Variants in SHROOM2 observed in about 807,000 individuals in gnomAD.
SHROOM2 encodes protein Shroom2.
In SHROOM2, 33 loss-of-function variants were observed where a neutral mutation model predicts 75.9. The observed-to-expected ratio is 0.43, with a 90% CI of 0.33 to 0.58. SHROOM2 has a LOEUF of 0.58. Among genes scored for constraint, SHROOM2 ranks in the 20% least tolerant of loss-of-function variants. The pLI is 0.04. For synonymous variants in SHROOM2, 655 were observed against 663.6 expected, an observed-to-expected ratio of 0.99 and a Z score of 0.20; for missense variants, 1,434 against 1,461.2, an observed-to-expected ratio of 0.98 and a Z score of 0.30.
Position 9,939,299 on chromosome X carries a change from TGCAGGAGCA to T in SHROOM2, c.4254_4262del (p.Gln1418_Glu1420del), listed in dbSNP as rs1333165994. The stretch of plus-strand genomic sequence containing the variant: ...GAGCTGCTGATCAAGATGAAGGACC[TGCAGGAGCA>T]GCAGGAGCACGAAGAGGATTCGGGA... On this transcript the variant is annotated inframe_deletion, in exon 8 of 10. Transcript: ENST00000380913. The T allele has an allele frequency of 8.3e-7, 1 of 1,210,409 alleles. No individual in the cohort carries two copies. Among genetic ancestry groups the T allele is most frequent in the South Asian group, 1.8e-5 (1 of 56,547 alleles).
intron 1 of SHROOM2, among the ~76,000 whole-genome samples, chrX:9,862,162 A>C (rs1415352913): frequency 8.9e-6 from 1 of 111,937 alleles, no homozygotes; most frequent in Non-Finnish European, 1.9e-5. Flanking sequence ...CCCTAATGTA[A>C]AGAACTATTA....
Position 9,898,171 on chromosome X carries a change from A to G in SHROOM2, c.2791-19A>G, listed in dbSNP as rs1486748271. ...AGGCAGCTTGAGGACTTGGTGTCTC[A>G]TTATGTTGCCCTTTGCAGGAAGCTT... On this transcript the variant is annotated intron_variant, in intron 4 of 9. Transcript: ENST00000380913. 10 of 1,152,996 alleles carry G rather than the reference A, an allele frequency of 8.7e-6. No individual in the cohort carries two copies. The highest frequency in any genetic ancestry group is 1.2e-5 in the Non-Finnish European group (10 of 857,770).
At chrX:9,861,482 T>A (rs2084103466) in intron 1 of SHROOM2, among the ~76,000 whole-genome samples, 1 of 112,044 alleles carries the variant, frequency 8.9e-6, no homozygotes, top group African/African-American at 3.2e-5. Context: ...TATAATGTGT[T>A]TTTTAATACC....
chrX:9,937,410 GC>G lies in SHROOM2; in HGVS notation c.3870del (p.Glu1291ArgfsTer14). 1 of 1,208,950 alleles carries G rather than the reference GC, an allele frequency of 8.3e-7. No individual in the cohort carries two copies. The stretch of plus-strand genomic sequence containing the variant: ...AGCCCCAGCCCCTGGGCACCCAGGT[GC>G]CCCCCGAGAAAGACCGCTGCACCTC... ...AEPQPLGTQV[P>X]PEKDRCTSPP... On this transcript the variant is annotated frameshift_variant, in exon 7 of 10. Transcript: ENST00000380913. LOFTEE classifies it high-confidence loss of function.
chrX:9,849,308 A>G lies in SHROOM2; in HGVS notation c.166-24344A>G, dbSNP rs943670509. On this transcript the variant is annotated intron_variant, in intron 1 of 9. Transcript: ENST00000380913. ...TTCTGTGTACTCCCACCTCTGCTTCACCTCCTGTTGATCTCTCCTCCCTCT... is the reference window on the plus strand; with the variant it reads ...TTCTGTGTACTCCCACCTCTGCTTCGCCTCCTGTTGATCTCTCCTCCCTCT... Among the ~76,000 whole-genome samples, 6 of 110,921 alleles carry G rather than the reference A, an allele frequency of 5.4e-5. No individual in the cohort carries two copies. In the Admixed American group the frequency reaches 5.7e-4, roughly 11 times the overall value.
chrX:9,930,037 A>G (rs1283242261), intron 5 of SHROOM2, among the ~76,000 whole-genome samples: 1 of 111,625 alleles, frequency 9.0e-6, no homozygotes, highest in Non-Finnish European at 1.9e-5. Flanking sequence ...ATTAAACGTC[A>G]CTTTGTTCCC....
chrX:9,805,812 T>A (rs1431048465), intron 1 of SHROOM2, among the ~76,000 whole-genome samples: 2 of 105,291 alleles, frequency 1.9e-5, no homozygotes, highest in African/African-American at 7.0e-5. Context: ...CGAGTTGGAG[T>A]GGCATCGCTT....
At chrX:9,910,772 G>T (rs1264378510) in intron 5 of SHROOM2, among the ~76,000 whole-genome samples, 2 of 109,525 alleles carry the variant, frequency 1.8e-5, no homozygotes, top group Admixed American at 2.0e-4. Context: ...AGCTGAGATG[G>T]TGCCACTGCG....
intron 2 of SHROOM2, among the ~76,000 whole-genome samples, chrX:9,890,727 G>A (rs923824124): frequency 1.6e-4 from 17 of 109,093 alleles, no homozygotes; most frequent in African/African-American, 3.4e-4. Context: ...GAGAGTGCAC[G>A]TGCTGTGTGT....
intron 1 of SHROOM2, among the ~76,000 whole-genome samples, chrX:9,797,611 C>A (rs2146727663): frequency 8.9e-6 from 1 of 112,474 alleles, no homozygotes; most frequent in Non-Finnish European, 1.9e-5. Flanking sequence ...TAAAATGAGA[C>A]CTCCACGCCC....
chrX:9,804,410 C>A (rs907899091), intron 1 of SHROOM2, among the ~76,000 whole-genome samples: 2 of 112,053 alleles, frequency 1.8e-5, no homozygotes, highest in African/African-American at 6.5e-5. Context: ...CTAAGACTTT[C>A]AACAATCCTT....
At chrX:9,789,974 C>T (rs979526962) in intron 1 of SHROOM2, among the ~76,000 whole-genome samples, 1 of 12,075 alleles carries the variant, frequency 8.3e-5, no homozygotes, top group Non-Finnish European at 2.5e-4. Context: ...CTTGGAGGTC[C>T]CCCCCACCTG....
chrX:9,939,659 G>A (rs763807191), intron 8 of SHROOM2, among the ~76,000 whole-genome samples: 18 of 112,244 alleles, frequency 1.6e-4, no homozygotes, highest in African/African-American at 5.8e-4. Context: ...ATTTATTTTT[G>A]AGACAGGGTC....
chrX:9,888,255 C>T (rs1307367137), intron 2 of SHROOM2, among the ~76,000 whole-genome samples: 1 of 94,304 alleles, frequency 1.1e-5, no homozygotes, highest in African/African-American at 4.4e-5. Context: ...TCTTTTTCCA[C>T]GTTGCCTCTG....
intron 1 of SHROOM2, among the ~76,000 whole-genome samples, chrX:9,842,934 A>G (rs998135213): frequency 9.0e-6 from 1 of 111,676 alleles, no homozygotes; most frequent in Non-Finnish European, 1.9e-5. Context: ...GCAGCTTCCC[A>G]GGAGCCCTTT....
At chrX:9,814,744 G>C (rs2083809831) in intron 1 of SHROOM2, among the ~76,000 whole-genome samples, 1 of 111,336 alleles carries the variant, frequency 9.0e-6, no homozygotes, top group African/African-American at 3.3e-5. Context: ...AGGTTCATCG[G>C]AGTTTACAAA....
Position 9,833,641 on chromosome X carries a change from T to TGTGTGTGC in SHROOM2, c.166-40006_166-40005insTGCGTGTG, listed in dbSNP as rs2083927998. Among the ~76,000 whole-genome samples, 6 of 92,858 alleles carry TGTGTGTGC rather than the reference T, an allele frequency of 6.5e-5. No homozygotes were observed. In the South Asian group the frequency reaches 2.7e-3, roughly 41 times the overall value. The allele number at this position is 92,858 out of a possible 115,157, so 80.6% of individuals were successfully genotyped here. A position where few individuals can be genotyped will look rare whatever the true frequency, so the allele number is the denominator to read the frequency against. ...GTGTGTGTGTGTGTGTGTGTGTGTG[T>TGTGTGTGC]GTGTGCATGCACGTGCACACATGAT... On this transcript the variant is annotated intron_variant, in intron 1 of 9. Coordinates refer to ENST00000380913, the MANE Select transcript of SHROOM2 (RefSeq NM_001649.4).
At chrX:9,808,625 G>A (rs1388761565) in intron 1 of SHROOM2, among the ~76,000 whole-genome samples, 5 of 110,109 alleles carry the variant, frequency 4.5e-5, no homozygotes, top group Non-Finnish European at 7.6e-5. Context: ...ACTTTGGGAG[G>A]CCAAGGTGGG....
chrX:9,891,718 TTG>T (rs992882297), intron 3 of SHROOM2, among the ~76,000 whole-genome samples: 1 of 109,924 alleles, frequency 9.1e-6, no homozygotes, highest in African/African-American at 3.3e-5. Context: ...TTCTACACGT[TTG>T]TGTGTGTGTG....
Sources: gnomAD v4.1 joint callset for allele counts (sites outside exome capture counted in the v4.1 genomes callset) on GRCh38, gnomAD v4.1.1 for gene constraint, MANE v1.5 for transcripts, NCBI Gene and HGNC (gene_info 2026-07-23, HGNC 2026-07-21) for gene names.